The following RPS6KC1 variants were observed in gnomAD, a reference collection of about 807,000 sequenced individuals.
RPS6KC1 encodes the protein ribosomal protein S6 kinase C1.
In RPS6KC1, 54 loss-of-function variants were observed where a neutral mutation model predicts 103.8. That is an observed-to-expected ratio of 0.52 (90% CI 0.42 to 0.65). The LOEUF is 0.65. Ranked by LOEUF, RPS6KC1 falls within the 30% of genes least tolerant of loss-of-function variation. The pLI is 0.00. For missense variants in RPS6KC1, 1,151 were observed against 1,253.8 expected (o/e 0.92, Z 1.24); for synonymous variants, 439 against 438.7 (o/e 1.00, Z -0.01).
chr1:213,304,144 T>G, the RPS6KC1 span, among the ~76,000 whole-genome samples: 2 of 145,244 alleles, frequency 1.4e-5, no homozygotes, highest in Admixed American at 7.0e-5. Flanking sequence ...AGGCGGAGCT[T>G]GCAGTGAGCC....
chr1:213,231,976 G>A lies in RPS6KC1; in HGVS notation c.1093-147G>A, dbSNP rs190059154. On this transcript the variant is annotated intron_variant, in intron 9 of 14. Coordinates refer to ENST00000366960, the MANE Select transcript of RPS6KC1 (RefSeq NM_012424.6). The stretch of plus-strand genomic sequence containing the variant: ...ATCAGCAGAGCCTCCAGGGACTGGG[G>A]GGCATAGAGCAGCAGATGAGTGGTT... 633 of 921,532 alleles carry A rather than the reference G, an allele frequency of 6.9e-4. 2 individuals carry two copies. Among genetic ancestry groups the A allele is most frequent in the Middle Eastern group, 4.9e-3 (15 of 3,052 alleles). The allele number at this position is 921,532 out of a possible 1,614,324, so 57.1% of individuals were successfully genotyped here. A position where few individuals can be genotyped will look rare whatever the true frequency, so the allele number is the denominator to read the frequency against.
intron 6 of RPS6KC1, among the ~76,000 whole-genome samples, chr1:213,153,665 A>G (rs184412703): frequency 1.3e-5 from 2 of 152,264 alleles, no homozygotes; most frequent in Admixed American, 1.3e-4. Context: ...TACTATTACT[A>G]GTGAGTTTTG....
chr1:213,665,390 A>C, the RPS6KC1 span, among the ~76,000 whole-genome samples: 1 of 152,172 alleles, frequency 6.6e-6, no homozygotes, highest in Non-Finnish European at 1.5e-5. Flanking sequence ...ACACACACAC[A>C]TAAACACACA....
chr1:213,557,206 G>A, the RPS6KC1 span, among the ~76,000 whole-genome samples: 1 of 152,184 alleles, frequency 6.6e-6, no homozygotes, highest in Non-Finnish European at 1.5e-5. Flanking sequence ...GATGAAGGAT[G>A]TGTGCCCACT....
intron 6 of RPS6KC1, among the ~76,000 whole-genome samples, chr1:213,135,964 G>C (rs1236671502): frequency 6.6e-6 from 1 of 152,150 alleles, no homozygotes; most frequent in Non-Finnish European, 1.5e-5. Context: ...GCTCCAGGTA[G>C]CAAAATCGTA....
At chr1:213,593,255 C>G in the RPS6KC1 span, among the ~76,000 whole-genome samples, 1 of 149,330 alleles carries the variant, frequency 6.7e-6, no homozygotes, top group Admixed American at 6.7e-5. Flanking sequence ...AAAAAAACAA[C>G]AGTAGGTTTT....
At chr1:213,221,312 A>T (rs557189003) in intron 8 of RPS6KC1, among the ~76,000 whole-genome samples, 1 of 152,064 alleles carries the variant, frequency 6.6e-6, no homozygotes, top group African/African-American at 2.4e-5. Context: ...CTTTTTCCAT[A>T]GGCGAACTGA....
chr1:213,152,890 G>T (rs2089377557), intron 6 of RPS6KC1, among the ~76,000 whole-genome samples: 1 of 152,230 alleles, frequency 6.6e-6, no homozygotes. Context: ...AAGGCAGGCG[G>T]CTGGGAGGTG....
chr1:213,530,453 A>G, the RPS6KC1 span, among the ~76,000 whole-genome samples: 1 of 152,192 alleles, frequency 6.6e-6, no homozygotes, highest in Non-Finnish European at 1.5e-5. Flanking sequence ...TCTGTCCCCA[A>G]CTATGTCACT....
At chr1:213,486,079 C>T in the RPS6KC1 span, among the ~76,000 whole-genome samples, 4 of 152,160 alleles carry the variant, frequency 2.6e-5, no homozygotes, top group Non-Finnish European at 4.4e-5. Flanking sequence ...GTTCACTCTC[C>T]TCTCTCCTTC....
the RPS6KC1 span, among the ~76,000 whole-genome samples, chr1:213,634,876 C>T: frequency 6.6e-6 from 1 of 150,980 alleles, no homozygotes; most frequent in South Asian, 2.1e-4. Flanking sequence ...AGGCCCCTTG[C>T]AAGACTAATA....
the RPS6KC1 span, among the ~76,000 whole-genome samples, chr1:213,375,070 CATACACACAT>C: frequency 6.6e-6 from 1 of 151,580 alleles, no homozygotes; most frequent in African/African-American, 2.4e-5. Flanking sequence ...CATACACACA[CATACACACAT>C]ACACACATCT....
the RPS6KC1 span, among the ~76,000 whole-genome samples, chr1:213,675,852 G>A: frequency 1.4e-4 from 21 of 149,998 alleles, no homozygotes; most frequent in Admixed American, 1.4e-3. Flanking sequence ...ACTCCAGCCT[G>A]GGAAACAGAG....
the RPS6KC1 span, among the ~76,000 whole-genome samples, chr1:213,595,845 A>C: frequency 3.3e-5 from 5 of 152,338 alleles, no homozygotes; most frequent in East Asian, 9.6e-4. Context: ...AATGTCTGAA[A>C]CTATGTGAGC....
At chr1:213,673,043 C>G in the RPS6KC1 span, among the ~76,000 whole-genome samples, 1 of 152,160 alleles carries the variant, frequency 6.6e-6, no homozygotes, top group African/African-American at 2.4e-5. Context: ...CATGGGAGGG[C>G]TTTTGAGGCT....
chr1:213,748,988 T>G, the RPS6KC1 span, among the ~76,000 whole-genome samples: 1 of 152,252 alleles, frequency 6.6e-6, no homozygotes, highest in African/African-American at 2.4e-5. Context: ...TTCACCAGGC[T>G]GGACAGCCTG....
chr1:213,167,741 A>G, intron 6 of RPS6KC1, 117 bp from the exon 7 acceptor site: 2 of 512,870 alleles, frequency 3.9e-6, no homozygotes, highest in Non-Finnish European at 6.8e-6. Context: ...CCAATTTTGA[A>G]TATCTCTTCT....
the RPS6KC1 span, among the ~76,000 whole-genome samples, chr1:213,611,775 C>A: frequency 6.6e-6 from 1 of 152,242 alleles, no homozygotes; most frequent in South Asian, 2.1e-4. Flanking sequence ...GAATACACTG[C>A]GAAAGCCAAG....
the RPS6KC1 span, among the ~76,000 whole-genome samples, chr1:213,613,903 C>A: frequency 6.6e-6 from 1 of 152,252 alleles, no homozygotes; most frequent in Non-Finnish European, 1.5e-5. Flanking sequence ...AAGCCTTCAC[C>A]AGATGACAAC....
Sources: gnomAD v4.1 joint callset for allele counts (sites outside exome capture counted in the v4.1 genomes callset) on GRCh38, gnomAD v4.1.1 for gene constraint, MANE v1.5 for transcripts, NCBI Gene and HGNC (gene_info 2026-07-23, HGNC 2026-07-21) for gene names.